The following ANK2 variants were observed in gnomAD, a reference collection of about 807,000 sequenced individuals.
ANK2 encodes ankyrin 2, also known as ankyrin-2.
ANK2 carries 83 observed loss-of-function variants against 360.5 expected under a neutral mutation model. That is an observed-to-expected ratio of 0.23 (90% CI 0.19 to 0.28). ANK2 has a LOEUF of 0.28. ANK2 is among the 10% of genes least tolerant of loss of function. ANK2 has a pLI of 1.00. For missense variants in ANK2, 4,201 were observed against 4,795.7 expected (o/e 0.88, Z 3.66); for synonymous variants, 1,740 against 1,759.5 (o/e 0.99, Z 0.28).
intron 14 of ANK2, among the ~76,000 whole-genome samples, chr4:113,268,647 T>G (rs1482642823): frequency 6.6e-6 from 1 of 152,234 alleles, no homozygotes; most frequent in African/African-American, 2.4e-5. Flanking sequence ...GGATTCAGTT[T>G]GCCAGTATTT....
intron 1 of ANK2, among the ~76,000 whole-genome samples, chr4:112,885,658 G>A (rs1257246321): frequency 4.6e-5 from 7 of 151,460 alleles, no homozygotes; most frequent in African/African-American, 1.7e-4. Context: ...TTAGCCGGGC[G>A]TGGTGGCGGG....
intron 1 of ANK2, among the ~76,000 whole-genome samples, chr4:112,883,018 C>CTGTTTTTTTT (rs2077174922): frequency 3.3e-5 from 1 of 30,500 alleles, no homozygotes; most frequent in African/African-American, 1.1e-4. Flanking sequence ...CTTGGTTAGT[C>CTGTTTTTTTT]TTTTTTTTTT....
intron 14 of ANK2, among the ~76,000 whole-genome samples, chr4:113,270,682 A>T (rs1258216169): frequency 1.3e-5 from 2 of 152,144 alleles, no homozygotes; most frequent in Non-Finnish European, 2.9e-5. Flanking sequence ...AGCCTTGTGA[A>T]GCAGTGCTCC....
intron 1 of ANK2, chr4:112,904,422 A>T: frequency 1.6e-6 from 2 of 1,216,654 alleles, no homozygotes; most frequent in Non-Finnish European, 1.1e-6. Flanking sequence ...ATGATTTCAA[A>T]CTTCTAATAT....
chr4:112,827,148 C>T lies in ANK2; in HGVS notation c.-40+8884C>T, dbSNP rs367946304. ...TTGCTCAGCATTGAATGACTACTTA[C>T]AAGGCAAGTGAAAATTACATCCTGT... On this transcript the variant is annotated intron_variant, in intron 1 of 30. Coordinates refer to the ANK2 transcript ENST00000503271. 3 of 1,159,452 alleles carry T rather than the reference C, an allele frequency of 2.6e-6. No individual in the cohort carries two copies. The East Asian group carries it at 7.0e-5, about 27-fold the overall frequency. The allele number at this position is 1,159,452 out of a possible 1,614,324, so 71.8% of individuals were successfully genotyped here.
intron 17 of ANK2, among the ~76,000 whole-genome samples, 163 bp from the exon 18 acceptor site, chr4:113,282,512 G>T (rs1490952126): frequency 6.6e-6 from 1 of 152,050 alleles, no homozygotes; most frequent in Admixed American, 6.6e-5. Context: ...GTAGAGATTC[G>T]GTTATTGTTG....
At chr4:112,781,086 A>G in the ANK2 span, among the ~76,000 whole-genome samples, 1 of 152,038 alleles carries the variant, frequency 6.6e-6, no homozygotes, top group African/African-American at 2.4e-5. Context: ...CGCAGCCTCC[A>G]CCTCCTGTGC....
At chr4:112,801,594 G>A in the ANK2 span, among the ~76,000 whole-genome samples, 2 of 152,170 alleles carry the variant, frequency 1.3e-5, no homozygotes, top group African/African-American at 4.8e-5. Context: ...TGATAACTAA[G>A]TTAAAACCTG....
intron 1 of ANK2, among the ~76,000 whole-genome samples, chr4:112,821,822 A>C (rs1486085499): frequency 6.7e-6 from 1 of 149,892 alleles, no homozygotes; most frequent in Non-Finnish European, 1.5e-5. Flanking sequence ...GCTGGAGTAC[A>C]TTCGTGCAAT....
chr4:113,255,741 C>T lies in ANK2; in HGVS notation c.997C>T (p.Leu333=), dbSNP rs201024064. 3.2e-4 allele frequency: 520 copies of T among 1,614,028 alleles called. 1 individual carries two copies. Among genetic ancestry groups the T allele is most frequent in the Non-Finnish European group, 3.9e-4 (461 of 1,179,980 alleles). Residue 333 remains leucine, a synonymous_variant, in exon 11 of 46, where the codon CTG becomes TTG. Transcript: ENST00000357077. ...APLLARTKNG[L]SPLHMAAQGD... is the part of the protein sequence containing the mutation. ...GTTTTCTTTTAATGTGCAGAATGGG[C>T]TGTCTCCACTACACATGGCTGCCCA...
At chr4:113,099,622 G>A (rs570649479) in intron 1 of ANK2, among the ~76,000 whole-genome samples, 1 of 151,850 alleles carries the variant, frequency 6.6e-6, no homozygotes, top group East Asian at 1.9e-4. Flanking sequence ...TGTGGATACT[G>A]ACAAACTGAT....
chr4:112,841,557 G>A (rs182913633), intron 1 of ANK2, among the ~76,000 whole-genome samples: 28 of 152,328 alleles, frequency 1.8e-4, no homozygotes, highest in Admixed American at 1.4e-3. Context: ...TGTGGACTGT[G>A]AGATGGTTCT....
intron 1 of ANK2, among the ~76,000 whole-genome samples, chr4:113,059,178 G>A (rs313981): frequency 0.85 from 128,704 of 152,162 alleles, 54,660 homozygotes; most frequent in East Asian, 0.91. Context: ...TCGACTTAGG[G>A]ATCTTGAGGA....
At chr4:113,027,339 A>C (rs182374395) in intron 2 of ANK2, among the ~76,000 whole-genome samples, 1 of 152,246 alleles carries the variant, frequency 6.6e-6, no homozygotes, top group East Asian at 1.9e-4. Context: ...AAATCACTCT[A>C]GTCTGTAAGC....
intron 4 of ANK2, among the ~76,000 whole-genome samples, chr4:113,213,635 A>C (rs186789998): frequency 6.6e-6 from 1 of 152,344 alleles, no homozygotes; most frequent in African/African-American, 2.4e-5. Flanking sequence ...TAATCTGCAA[A>C]TATGCCCTCT....
intron 1 of ANK2, among the ~76,000 whole-genome samples, chr4:113,088,323 A>G (rs1390629682): frequency 6.6e-6 from 1 of 152,182 alleles, no homozygotes; most frequent in Non-Finnish European, 1.5e-5. Context: ...GGCAATAGTC[A>G]CAGTTCATTT....
At chr4:112,930,760 C>T (rs1324156662) in intron 2 of ANK2, among the ~76,000 whole-genome samples, 2 of 151,640 alleles carry the variant, frequency 1.3e-5, no homozygotes, top group East Asian at 2.0e-4. Flanking sequence ...TGGTGGTGCA[C>T]GCCTGTAATC....
chr4:113,152,876 A>G lies in ANK2; in HGVS notation c.85-21540A>G, dbSNP rs191651171. ...TGATTGTACCACTGCACTCCAGCCTAGGTGACAGGGCAAGATGCTGTCTCA... is the reference window on the plus strand; with the variant it reads ...TGATTGTACCACTGCACTCCAGCCTGGGTGACAGGGCAAGATGCTGTCTCA... On this transcript the variant is annotated intron_variant, in intron 1 of 45. Transcript: ENST00000357077. 5.2e-3 allele frequency among the ~76,000 whole-genome samples: 788 copies of G among 152,198 alleles called. 10 individuals carry two copies. Among genetic ancestry groups the G allele is most frequent in the African/African-American group, 0.018 (751 of 41,542 alleles).
intron 1 of ANK2, among the ~76,000 whole-genome samples, chr4:112,831,940 T>A (rs1579258896): frequency 1.3e-5 from 2 of 152,012 alleles, no homozygotes; most frequent in Non-Finnish European, 2.9e-5. Context: ...AGGAAGAAAC[T>A]CTGGACACAT....
Sources: gnomAD v4.1 joint callset for allele counts (sites outside exome capture counted in the v4.1 genomes callset) on GRCh38, gnomAD v4.1.1 for gene constraint, MANE v1.5 for transcripts, NCBI Gene and HGNC (gene_info 2026-07-23, HGNC 2026-07-21) for gene names.